BRWD1: variants seen among roughly 807,000 people sequenced by gnomAD.
BRWD1 encodes the protein bromodomain and WD repeat-containing protein 1.
Under a neutral mutation model 251.2 loss-of-function variants are expected in BRWD1, and 82 were observed. The ratio of observed to expected loss-of-function variants is 0.33; its 90% CI spans 0.27 to 0.39. The LOEUF (loss-of-function observed/expected upper bound fraction) is 0.39. Ranked by LOEUF, BRWD1 falls within the 10% of genes least tolerant of loss-of-function variation. BRWD1 has a pLI of 1.00. For missense variants in BRWD1, 2,233 were observed against 2,711.6 expected (o/e 0.82, Z 3.92); for synonymous variants, 918 against 902.8 (o/e 1.02, Z -0.30).
intron 5 of BRWD1, chr21:39,297,356 C>T: frequency 2.0e-6 from 2 of 985,416 alleles, no homozygotes; most frequent in Non-Finnish European, 2.4e-6. Context: ...CCTGGGGTAC[C>T]AGTACAAAAC....
chr21:39,257,375 C>T (rs2034593350), intron 18 of BRWD1, among the ~76,000 whole-genome samples: 2 of 152,058 alleles, frequency 1.3e-5, no homozygotes, highest in South Asian at 4.2e-4. Context: ...TGTCTAAATG[C>T]TTAACCTGAA....
At chr21:39,250,968 G>A (rs1268039940) in intron 19 of BRWD1, 79 bp from the exon 20 acceptor site, 3 of 813,494 alleles carry the variant, frequency 3.7e-6, no homozygotes, top group African/African-American at 3.6e-5. Context: ...AAACCAGTGT[G>A]ATTCTATAAA....
At chr21:39,206,605 G>C (rs897805221) in intron 36 of BRWD1, among the ~76,000 whole-genome samples, 1 of 152,212 alleles carries the variant, frequency 6.6e-6, no homozygotes, top group Non-Finnish European at 1.5e-5. Context: ...CCCAAAGTTA[G>C]ATGGGAAGTT....
intron 4 of BRWD1, among the ~76,000 whole-genome samples, chr21:39,308,481 CAAAAAA>C (rs35833623): frequency 1.9e-5 from 2 of 107,434 alleles, no homozygotes; most frequent in Admixed American, 9.7e-5. Context: ...CACCTTGTCT[CAAAAAA>C]AAAAAAAAAA....
At position 39,194,754 on chromosome 21, in the gene BRWD1, GA is replaced by G; in HGVS notation, c.*1504del. The G allele has an allele frequency of 1.3e-6, 2 of 1,535,062 alleles. No individual in the cohort carries two copies. The highest frequency in any genetic ancestry group is 1.7e-6 in the Non-Finnish European group (2 of 1,145,946). Reference sequence around the variant, plus strand: ...ATACACAGGAGAAAAGGTTTTGTCTGAAACCAAACACAATTAGGGCTAATAA... The same window carrying G: ...ATACACAGGAGAAAAGGTTTTGTCTGAACCAAACACAATTAGGGCTAATAA... On this transcript the variant is annotated 3_prime_UTR_variant, in exon 41 of 41. Transcript: ENST00000342449.
At chr21:39,265,871 G>A (rs1045177953) in intron 15 of BRWD1, among the ~76,000 whole-genome samples, 1 of 152,148 alleles carries the variant, frequency 6.6e-6, no homozygotes, top group South Asian at 2.1e-4. Flanking sequence ...ATTTCAGAAA[G>A]GATGCTCTAA....
intron 6 of BRWD1, 127 bp from the exon 7 acceptor site, chr21:39,296,030 C>A: frequency 1.3e-6 from 1 of 778,194 alleles, no homozygotes. Context: ...GACACAATTT[C>A]TTCCCAATTC....
In BRWD1 at chr21:39,189,458, TAATG is replaced by T. The variant is rs2031429740; in HGVS notation, c.*6797_*6800del. On this transcript the variant is annotated 3_prime_UTR_variant, in exon 41 of 41. Transcript: ENST00000342449. ...ATAAATGTTTATTTGTCATCCAGAA[TAATG>T]GAAAAGTTAAGATTCTGCAGGAAAA... The T allele has an allele frequency of 1.4e-5, 14 of 973,126 alleles. No homozygotes were observed. The highest frequency in any genetic ancestry group is 1.8e-5 in the African/African-American group (1 of 56,810). 60.3% of individuals were successfully genotyped at this position (973,126 alleles called of 1,614,324 possible).
chr21:39,270,309 T>C lies in BRWD1; in HGVS notation c.1369A>G (p.Thr457Ala). ...DHVLKVWNSY[T>A]GQLLHNLMGH... ...ATTAAGTTATGAAGCAGTTGTCCAG[T>C]GTAAGAATTCCACACTTTGAGGACA... Residue 457 changes from threonine to alanine, a missense_variant, in exon 14 of 41, where the codon ACT becomes GCT. Around this residue, in one of 12 missense-constraint regions of BRWD1, gnomAD observed 315 missense variants for 421.8 expected, o/e 0.75. Transcript: ENST00000342449. 2.5e-6 allele frequency: 4 copies of C among 1,606,404 alleles called. No individual in the cohort carries two copies. The highest frequency in any genetic ancestry group is 3.4e-6 in the Non-Finnish European group (4 of 1,177,092).
At chr21:39,211,912 A>G (rs2032676631) in intron 34 of BRWD1, among the ~76,000 whole-genome samples, 1 of 152,100 alleles carries the variant, frequency 6.6e-6, no homozygotes, top group African/African-American at 2.4e-5. Flanking sequence ...TTTCATATTA[A>G]TAACCTTTAA....
At chr21:39,204,754 A>G (rs1471803123) in intron 37 of BRWD1, among the ~76,000 whole-genome samples, 1 of 152,172 alleles carries the variant, frequency 6.6e-6, no homozygotes, top group African/African-American at 2.4e-5. Flanking sequence ...TCCACCTCAG[A>G]TCATCAGGCA....
At chr21:39,258,201 T>C (rs2146634015) in intron 18 of BRWD1, among the ~76,000 whole-genome samples, 1 of 152,272 alleles carries the variant, frequency 6.6e-6, no homozygotes, top group African/African-American at 2.4e-5. Flanking sequence ...GCTAGAACTA[T>C]GGTTTTATTT....
intron 32 of BRWD1, among the ~76,000 whole-genome samples, chr21:39,214,826 G>T (rs1464862610): frequency 6.7e-6 from 1 of 149,898 alleles, no homozygotes. Context: ...CTAAAGTAAA[G>T]CATTAAAAAA....
chr21:39,258,517 G>C lies in BRWD1; in HGVS notation c.2041C>G (p.Leu681Val), dbSNP rs1055133326. The C allele has an allele frequency of 6.2e-7, 1 of 1,602,474 alleles. No individual in the cohort carries two copies. Residue 681 changes from leucine to valine, a missense_variant, in exon 18 of 41, where the codon CTT (leucine) becomes GTT (valine). Leu to Val is a conservative substitution (Grantham distance 32, BLOSUM62 1). Around this residue, in one of 12 missense-constraint regions of BRWD1, gnomAD observed 73 missense variants for 68.1 expected, o/e 1.07. Transcript: ENST00000342449. ...GADQDTIPRGLSNGEETPRRG... is the reference protein window; with the variant it reads ...GADQDTIPRGVSNGEETPRRG... ...CGGGGTGTTTCTTCACCATTTGAAA[G>C]TCCTCTTGGAATAGTATCCTGATCT... is the stretch of plus-strand genomic sequence containing the variant.
At chr21:39,310,635 T>C (rs1222058469) in intron 4 of BRWD1, among the ~76,000 whole-genome samples, 1 of 152,102 alleles carries the variant, frequency 6.6e-6, no homozygotes, top group Non-Finnish European at 1.5e-5. Context: ...TCAAATTTGA[T>C]GATATACAGC....
chr21:39,316,189 G>A (rs2036696491), upstream of BRWD1, among the ~76,000 whole-genome samples: 1 of 152,168 alleles, frequency 6.6e-6, no homozygotes, highest in Non-Finnish European at 1.5e-5. Context: ...GAGGGCGTTG[G>A]TCATAAGGAT....
chr21:39,255,546 C>G (rs1200620415), intron 19 of BRWD1, 99 bp downstream of exon 19: 1 of 980,708 alleles, frequency 1.0e-6, no homozygotes. Context: ...TATATTTATA[C>G]AATTATTTAC....
chr21:39,187,357 T>C lies in BRWD1; in HGVS notation c.*8902A>G. ...TTCACTAGGCATCTGCACTGCATCC[T>C]TCTGATTATGCATACATGTTCTCAC... On this transcript the variant is annotated 3_prime_UTR_variant, in exon 41 of 41. Coordinates refer to ENST00000342449, the MANE Select transcript of BRWD1 (RefSeq NM_033656.4). The C allele has an allele frequency of 3.1e-6, 5 of 1,612,656 alleles. No individual in the cohort carries two copies. Among genetic ancestry groups the C allele is most frequent in the Non-Finnish European group, 4.2e-6 (5 of 1,179,578 alleles).
At chr21:39,250,406 T>C (rs1309385892) in intron 20 of BRWD1, among the ~76,000 whole-genome samples, 1 of 151,812 alleles carries the variant, frequency 6.6e-6, no homozygotes, top group Non-Finnish European at 1.5e-5. Flanking sequence ...AAGCAAGACA[T>C]TGAAAAAAAT....
Sources: gnomAD v4.1 joint callset for allele counts (sites outside exome capture counted in the v4.1 genomes callset) on GRCh38, gnomAD v4.1.1 for gene constraint, gnomAD v4.1.1 regional missense constraint, MANE v1.5 for transcripts, NCBI Gene and HGNC (gene_info 2026-07-23, HGNC 2026-07-21) for gene names.